Variants in TEAD1 observed in about 807,000 individuals in gnomAD.
TEAD1 encodes the protein transcriptional enhancer factor TEF-1.
Under a neutral mutation model 54.9 loss-of-function variants are expected in TEAD1, and 9 were observed. The observed-to-expected ratio is 0.16, with a 90% CI of 0.10 to 0.29. The LOEUF (loss-of-function observed/expected upper bound fraction) is 0.29. Ranked by LOEUF, TEAD1 falls within the 10% of genes least tolerant of loss-of-function variation. The probability of loss-of-function intolerance (pLI) is 1.00; values close to 1 mark genes in which losing one functional copy is unlikely to be tolerated. For synonymous variants in TEAD1, 200 were observed against 187.8 expected (o/e 1.07, Z -0.53); for missense variants, 387 against 535.9 (o/e 0.72, Z 2.74).
chr11:12,922,921 C>T (rs1446475593), intron 10 of TEAD1: 1 of 55,500 alleles, frequency 1.8e-5, no homozygotes, highest in Non-Finnish European at 3.3e-5. Context: ...CAGACCCTGT[C>T]TCAAAAAAAA....
chr11:12,906,668 T>A (rs947454880), intron 10 of TEAD1, among the ~76,000 whole-genome samples: 20 of 152,208 alleles, frequency 1.3e-4, no homozygotes, highest in Non-Finnish European at 2.4e-4. Context: ...GGATCTCCTG[T>A]GCCCATTTGT....
chr11:12,769,118 G>T lies in TEAD1; in HGVS notation c.202+4684G>T, dbSNP rs568409907. 2.4e-4 allele frequency among the ~76,000 whole-genome samples: 37 copies of T among 152,234 alleles called. No homozygotes were observed. In the South Asian group the frequency reaches 7.7e-3, roughly 32 times the overall value. Reference sequence around the variant, plus strand: ...TATTGACTTTCTCCTTTTGCAAGCAGATGTCTTCAGGATCCTTGCTTAGGT... The same window carrying T: ...TATTGACTTTCTCCTTTTGCAAGCATATGTCTTCAGGATCCTTGCTTAGGT... On this transcript the variant is annotated intron_variant, in intron 3 of 12. Transcript: ENST00000527636.
At chr11:12,687,532 G>A (rs1174721303) in intron 2 of TEAD1, among the ~76,000 whole-genome samples, 1 of 152,228 alleles carries the variant, frequency 6.6e-6, no homozygotes, top group African/African-American at 2.4e-5. Context: ...CAGCTGTCAG[G>A]CTAACAAAGG....
chr11:12,927,781 A>C (rs1948929576), intron 11 of TEAD1, among the ~76,000 whole-genome samples: 1 of 151,912 alleles, frequency 6.6e-6, no homozygotes, highest in South Asian at 2.1e-4. Flanking sequence ...AATATGTTGT[A>C]ATTTCCTGTT....
At position 12,940,835 on chromosome 11, in the gene TEAD1, G is replaced by A. The variant is rs187083982; in HGVS notation, c.*3613G>A. 2.6e-5 allele frequency: 4 copies of A among 152,308 alleles called. No individual in the cohort carries two copies. Among genetic ancestry groups the A allele is most frequent in the Admixed American group, 2.0e-4 (3 of 15,298 alleles). The allele number at this position is 152,308 out of a possible 1,614,324, so 9.4% of individuals were successfully genotyped here. A position where few individuals can be genotyped will look rare whatever the true frequency, so the allele number is the denominator to read the frequency against. On this transcript the variant is annotated 3_prime_UTR_variant, in exon 13 of 13. Coordinates refer to ENST00000527636, the MANE Select transcript of TEAD1 (RefSeq NM_021961.6). ...TCTGCCTTACAAGCAATGCTGTTCT[G>A]TAAATTTATTGAAACCTCTGGAACA...
At chr11:12,714,887 GC>G (rs1303679501) in intron 2 of TEAD1, among the ~76,000 whole-genome samples, 2 of 152,052 alleles carry the variant, frequency 1.3e-5, no homozygotes, top group African/African-American at 4.8e-5. Context: ...CTCGGTTAGG[GC>G]CCACCTTGTT....
At chr11:12,750,049 G>A (rs1590112624) in intron 2 of TEAD1, among the ~76,000 whole-genome samples, 2 of 152,156 alleles carry the variant, frequency 1.3e-5, no homozygotes, top group Non-Finnish European at 2.9e-5. Context: ...TAAAGGGTGG[G>A]GACTTGCTTG....
chr11:12,778,814 A>G (rs777579972), intron 3 of TEAD1, among the ~76,000 whole-genome samples: 30 of 152,216 alleles, frequency 2.0e-4, no homozygotes, highest in Non-Finnish European at 4.3e-4. Flanking sequence ...TTCATAAATA[A>G]GAAACTGAAG....
intron 4 of TEAD1, chr11:12,864,572 C>A (rs1161861542): frequency 4.6e-6 from 4 of 874,620 alleles, no homozygotes; most frequent in East Asian, 3.9e-5. Context: ...CCCAACCCCA[C>A]CCCAAAACCC....
chr11:12,825,180 A>G (rs1311796484), intron 3 of TEAD1, among the ~76,000 whole-genome samples: 3 of 152,200 alleles, frequency 2.0e-5, no homozygotes, highest in Non-Finnish European at 4.4e-5. Flanking sequence ...CTTCCTGTTA[A>G]GATCTGAAGC....
chr11:12,732,161 A>T (rs1944437125), intron 2 of TEAD1, among the ~76,000 whole-genome samples: 1 of 152,132 alleles, frequency 6.6e-6, no homozygotes, highest in African/African-American at 2.4e-5. Context: ...GCTGGTCATT[A>T]TATCCTTTGA....
At chr11:12,774,819 AAGG>A (rs1449003656) in intron 3 of TEAD1, among the ~76,000 whole-genome samples, 1 of 152,174 alleles carries the variant, frequency 6.6e-6, no homozygotes, top group East Asian at 1.9e-4. Flanking sequence ...AGAGCTAAAT[AAGG>A]AGAACACATG....
At chr11:12,736,334 A>C (rs947212751) in intron 2 of TEAD1, among the ~76,000 whole-genome samples, 2 of 152,232 alleles carry the variant, frequency 1.3e-5, no homozygotes, top group African/African-American at 4.8e-5. Context: ...ACCTAGAACA[A>C]ACTTCAGGAA....
At position 12,743,540 on chromosome 11, in the gene TEAD1, T is replaced by A. The variant is rs566311145; in HGVS notation, c.-54-20639T>A. Among the ~76,000 whole-genome samples the A allele has an allele frequency of 3.3e-5, 5 of 152,336 alleles. No homozygotes were observed. The South Asian group carries it at 1.0e-3, about 32-fold the overall frequency. On this transcript the variant is annotated intron_variant, in intron 2 of 12. Transcript: ENST00000527636. ...ATGGAGTTCATCTTTGTCCAGCCCA[T>A]CTCACTATGCTTTGTAGAGAATAAC...
intron 3 of TEAD1, among the ~76,000 whole-genome samples, chr11:12,860,699 G>C (rs7130174): frequency 1.3e-5 from 2 of 152,216 alleles, no homozygotes; most frequent in Non-Finnish European, 2.9e-5. Context: ...GAAGAAGACA[G>C]AGTTCTTCCC....
At chr11:12,847,556 G>A (rs535687445) in intron 3 of TEAD1, among the ~76,000 whole-genome samples, 7 of 152,062 alleles carry the variant, frequency 4.6e-5, no homozygotes, top group African/African-American at 1.7e-4. Context: ...ACAGGAATAA[G>A]GATTTTTAGA....
rs183244550 is a variant in TEAD1 at position 12,771,503 on chromosome 11, T to C, written c.202+7069T>C. On this transcript the variant is annotated intron_variant, in intron 3 of 12. Transcript: ENST00000527636. ...TGAGATTTGTGAAAAAGAAGGAGTTTGATTTCAGGTTCCACTTCTGGCTCA... is the reference window on the plus strand; with the variant it reads ...TGAGATTTGTGAAAAAGAAGGAGTTCGATTTCAGGTTCCACTTCTGGCTCA... Among the ~76,000 whole-genome samples the C allele has an allele frequency of 3.8e-3, 581 of 152,270 alleles. 2 individuals are homozygous for C. Among genetic ancestry groups the C allele is most frequent in the Non-Finnish European group, 5.8e-3 (395 of 68,024 alleles).
Position 12,940,151 on chromosome 11 carries a change from G to A in TEAD1, c.*2929G>A, listed in dbSNP as rs1316320389. ...TCTCTGGGCATTCATTTCCCTCATAGAGGCTGAGAATAAAACAAGGACTTA... is the reference window on the plus strand; with the variant it reads ...TCTCTGGGCATTCATTTCCCTCATAAAGGCTGAGAATAAAACAAGGACTTA... On this transcript the variant is annotated 3_prime_UTR_variant, in exon 13 of 13. Transcript: ENST00000527636. 6.6e-6 allele frequency: 1 copy of A among 152,174 alleles called. No homozygotes were observed. The highest frequency in any genetic ancestry group is 1.5e-5 in the Non-Finnish European group (1 of 68,042). The allele number at this position is 152,174 out of a possible 1,614,324, so 9.4% of individuals were successfully genotyped here. A position where few individuals can be genotyped will look rare whatever the true frequency, so the allele number is the denominator to read the frequency against.
At chr11:12,872,265 C>A (rs1054179939) in intron 5 of TEAD1, among the ~76,000 whole-genome samples, 4 of 152,146 alleles carry the variant, frequency 2.6e-5, no homozygotes, top group Non-Finnish European at 4.4e-5. Context: ...TCCGTGAAGC[C>A]CCCTGAGCCA....
Sources: allele counts gnomAD v4.1 joint callset (sites outside exome capture counted in the v4.1 genomes callset), GRCh38; gene constraint gnomAD v4.1.1; transcripts MANE v1.5; gene names NCBI Gene and HGNC (gene_info 2026-07-23, HGNC 2026-07-21).